FHIT: variants seen among roughly 807,000 people sequenced by gnomAD.
FHIT encodes bis(5'-adenosyl)-triphosphatase.
Under a neutral mutation model 17.9 loss-of-function variants are expected in FHIT, and 19 were observed. That is an observed-to-expected ratio of 1.06 (90% CI 0.74 to 1.56). The LOEUF (loss-of-function observed/expected upper bound fraction) is 1.56, where lower values mean the gene tolerates loss of function less well. FHIT is among the 40% of genes most tolerant of loss of function. The pLI is 0.00. For missense variants in FHIT, 248 were observed against 189.2 expected, an observed-to-expected ratio of 1.31 and a Z score of -1.82; for synonymous variants, 81 against 69.7, an observed-to-expected ratio of 1.16 and a Z score of -0.81.
At chr3:60,123,810 A>G (rs1214385418) in intron 5 of FHIT, among the ~76,000 whole-genome samples, 2 of 151,186 alleles carry the variant, frequency 1.3e-5, no homozygotes, top group African/African-American at 4.9e-5. Context: ...ATCTATCATT[A>G]TACTTCAGTA....
chr3:60,082,333 C>G (rs4345028), intron 5 of FHIT, among the ~76,000 whole-genome samples: 101 of 152,094 alleles, frequency 6.6e-4, no homozygotes, highest in African/African-American at 2.3e-3. Context: ...ATGTAGTATT[C>G]CACTGTGTAT....
chr3:61,126,683 A>T (rs567853945), intron 2 of FHIT, among the ~76,000 whole-genome samples: 1 of 152,328 alleles, frequency 6.6e-6, no homozygotes, highest in South Asian at 2.1e-4. Context: ...AACCATATCA[A>T]CAATAAAACA....
At chr3:60,387,608 C>G (rs1334179497) in intron 5 of FHIT, among the ~76,000 whole-genome samples, 1 of 152,142 alleles carries the variant, frequency 6.6e-6, no homozygotes, top group African/African-American at 2.4e-5. Context: ...TGCCTCTGCT[C>G]TACCCCTTCT....
intron 2 of FHIT, among the ~76,000 whole-genome samples, chr3:61,114,321 T>C (rs1366671069): frequency 6.6e-6 from 1 of 152,200 alleles, no homozygotes; most frequent in Non-Finnish European, 1.5e-5. Context: ...TGAGCTGTTG[T>C]CTAGCATATA....
chr3:60,209,179 T>C (rs187661572), intron 5 of FHIT, among the ~76,000 whole-genome samples: 2 of 152,328 alleles, frequency 1.3e-5, no homozygotes, highest in African/African-American at 4.8e-5. Context: ...ATTTTTAATA[T>C]GTTATTTCAG....
chr3:59,848,649 C>T (rs1045660803), intron 8 of FHIT, among the ~76,000 whole-genome samples: 1 of 152,268 alleles, frequency 6.6e-6, no homozygotes, highest in African/African-American at 2.4e-5. Context: ...AATTAGGTAA[C>T]GCAATGGGAA....
At chr3:59,823,729 A>G (rs933127664) in intron 8 of FHIT, among the ~76,000 whole-genome samples, 5 of 152,218 alleles carry the variant, frequency 3.3e-5, no homozygotes, top group Admixed American at 6.5e-5. Context: ...TGACAAACCC[A>G]CAGCCAACAT....
intron 5 of FHIT, among the ~76,000 whole-genome samples, chr3:60,287,925 T>A (rs1707803168): frequency 0.016 from 1 of 62 alleles, no homozygotes; most frequent in African/African-American, 0.1. Context: ...AATTAACCCC[T>A]AAAATTCAGG....
chr3:60,265,793 G>A (rs1706543991), intron 5 of FHIT, among the ~76,000 whole-genome samples: 1 of 151,634 alleles, frequency 6.6e-6, no homozygotes, highest in Non-Finnish European at 1.5e-5. Context: ...CTCCAAACAA[G>A]ATACTCAGAT....
chr3:60,505,249 T>C (rs576379521), intron 5 of FHIT, among the ~76,000 whole-genome samples: 3 of 152,236 alleles, frequency 2.0e-5, no homozygotes, highest in South Asian at 4.2e-4. Flanking sequence ...TATGGCTAAG[T>C]AGTTAAGGAA....
At chr3:60,894,612 C>G (rs956776286) in intron 3 of FHIT, among the ~76,000 whole-genome samples, 1 of 151,986 alleles carries the variant, frequency 6.6e-6, no homozygotes. Flanking sequence ...AAGTTAGGCT[C>G]CTTGATATTC....
chr3:60,908,707 C>G (rs1307730053), intron 3 of FHIT, among the ~76,000 whole-genome samples: 1 of 100,356 alleles, frequency 1.0e-5, no homozygotes, highest in Non-Finnish European at 1.9e-5. Flanking sequence ...ATGTAGAAGT[C>G]TCTTATGAAA....
chr3:59,816,562 G>A (rs924844523), intron 8 of FHIT, among the ~76,000 whole-genome samples: 1 of 152,086 alleles, frequency 6.6e-6, no homozygotes, highest in Non-Finnish European at 1.5e-5. Context: ...GATGACCTAA[G>A]TGCATATTGT....
intron 4 of FHIT, among the ~76,000 whole-genome samples, chr3:60,615,045 G>A (rs1447380241): frequency 1.3e-5 from 2 of 151,894 alleles, no homozygotes; most frequent in African/African-American, 4.8e-5. Context: ...GGCCAGAATG[G>A]TCTTGATCTC....
At chr3:60,963,077 TA>T (rs879994102) in intron 3 of FHIT, among the ~76,000 whole-genome samples, 1 of 152,262 alleles carries the variant, frequency 6.6e-6, no homozygotes, top group East Asian at 1.9e-4. Flanking sequence ...TTTTGGTTGC[TA>T]GGCTATTAAT....
At chr3:59,935,513 T>G (rs1187632019) in intron 7 of FHIT, among the ~76,000 whole-genome samples, 1 of 152,210 alleles carries the variant, frequency 6.6e-6, no homozygotes, top group Non-Finnish European at 1.5e-5. Context: ...ACAGGTTTTC[T>G]CTTCCACTAG....
chr3:60,477,883 G>A (rs547039757), intron 5 of FHIT, among the ~76,000 whole-genome samples: 1 of 152,198 alleles, frequency 6.6e-6, no homozygotes, highest in South Asian at 2.1e-4. Context: ...TTTTCACCCT[G>A]TTCATAGTAC....
intron 3 of FHIT, among the ~76,000 whole-genome samples, chr3:60,864,335 A>G (rs1182677800): frequency 4.6e-5 from 7 of 152,220 alleles, no homozygotes; most frequent in African/African-American, 1.7e-4. Flanking sequence ...AGGTGAAGAA[A>G]CCAGCCTAAA....
chr3:59,840,077 G>C (rs1388130625), intron 8 of FHIT, among the ~76,000 whole-genome samples: 1 of 152,178 alleles, frequency 6.6e-6, no homozygotes, highest in Non-Finnish European at 1.5e-5. Flanking sequence ...GGAGGAGTCA[G>C]AAGAGGGTAG....
Sources: gnomAD v4.1 joint callset for allele counts (sites outside exome capture counted in the v4.1 genomes callset) on GRCh38, gnomAD v4.1.1 for gene constraint, MANE v1.5 for transcripts, NCBI Gene and HGNC (gene_info 2026-07-23, HGNC 2026-07-21) for gene names.